Variants in RAPGEF2 observed in about 807,000 individuals in gnomAD.
The protein encoded by RAPGEF2 is Rap guanine nucleotide exchange factor 2, also known as PDZ domain containing guanine nucleotide exchange factor (GEF) 1.
A neutral mutation model predicts 186.7 loss-of-function variants in RAPGEF2; 54 were observed. That is an observed-to-expected ratio of 0.29 (90% CI 0.23 to 0.36). RAPGEF2 has a LOEUF of 0.36. RAPGEF2 is among the 10% of genes least tolerant of loss of function. The pLI, the probability that RAPGEF2 is intolerant of heterozygous loss-of-function variation, is 1.00. For synonymous variants in RAPGEF2, 712 were observed against 705.9 expected, an observed-to-expected ratio of 1.01 and a Z score of -0.14; for missense variants, 1,532 against 2,045.0, an observed-to-expected ratio of 0.75 and a Z score of 4.84.
At chr4:159,128,112 T>C (rs1740569695) in intron 1 of RAPGEF2, among the ~76,000 whole-genome samples, 1 of 152,228 alleles carries the variant, frequency 6.6e-6, no homozygotes, top group Non-Finnish European at 1.5e-5. Context: ...AACCTTTCTT[T>C]TGTTAGGAGA....
intron 11 of RAPGEF2, among the ~76,000 whole-genome samples, chr4:159,326,374 G>A (rs1165045301): frequency 6.6e-6 from 1 of 152,134 alleles, no homozygotes; most frequent in Non-Finnish European, 1.5e-5. Context: ...GCAAGTTATT[G>A]AGTGAAATGA....
chr4:159,189,829 A>G (rs1370890520), intron 2 of RAPGEF2, among the ~76,000 whole-genome samples: 1 of 152,226 alleles, frequency 6.6e-6, no homozygotes, highest in Non-Finnish European at 1.5e-5. Context: ...TATTTTATAA[A>G]CAGTTATCAA....
At chr4:159,164,318 T>C (rs1561031256) in intron 1 of RAPGEF2, among the ~76,000 whole-genome samples, 1 of 151,714 alleles carries the variant, frequency 6.6e-6, no homozygotes, top group Non-Finnish European at 1.5e-5. Flanking sequence ...TTTTTTTTTT[T>C]TCCTTCTTCT....
intron 4 of RAPGEF2, among the ~76,000 whole-genome samples, chr4:159,212,161 A>G (rs2111376214): frequency 6.6e-6 from 1 of 152,290 alleles, no homozygotes; most frequent in Middle Eastern, 3.4e-3. Flanking sequence ...TAGAAAGCCT[A>G]GAGTGACCCT....
chr4:159,215,884 CTATACA>C (rs1005821584), intron 4 of RAPGEF2, among the ~76,000 whole-genome samples: 8 of 152,140 alleles, frequency 5.3e-5, no homozygotes, highest in Non-Finnish European at 1.0e-4. Flanking sequence ...AGGACAAAGA[CTATACA>C]GAGAGTGGAG....
Position 159,241,261 on chromosome 4 carries a change from C to A in RAPGEF2, c.418C>A (p.Arg140=). 6.5e-7 allele frequency: 1 copy of A among 1,532,272 alleles called. No individual in the cohort carries two copies. Among genetic ancestry groups the A allele is most frequent in the Non-Finnish European group, 8.7e-7 (1 of 1,144,564 alleles). 94.9% of individuals were successfully genotyped at this position (1,532,272 alleles called of 1,614,324 possible). ...GCGGCAAGCTTCCCATAGACAGTCT[C>A]GAAGGAGATTTAGAAAAATCAACCA... ...FQRQASHRQS[R]RRFRKINQKG... Residue 140 remains arginine, a synonymous_variant, in exon 6 of 30, where the codon CGA becomes AGA. Coordinates refer to ENST00000691494, the MANE Select transcript of RAPGEF2 (RefSeq NM_001394067.2).
chr4:159,326,355 T>G (rs1036523446), intron 11 of RAPGEF2, among the ~76,000 whole-genome samples: 12 of 152,200 alleles, frequency 7.9e-5, no homozygotes, highest in Admixed American at 5.2e-4. Context: ...CTGACCATAT[T>G]TTAGGGAAGC....
At chr4:159,300,924 A>G (rs533925725) in intron 7 of RAPGEF2, among the ~76,000 whole-genome samples, 39 of 152,166 alleles carry the variant, frequency 2.6e-4, no homozygotes, top group Non-Finnish European at 4.7e-4. Context: ...TTTGCCTCCT[A>G]GAAACTCCAT....
chr4:159,161,844 A>G (rs1744741560), intron 1 of RAPGEF2, among the ~76,000 whole-genome samples: 1 of 152,256 alleles, frequency 6.6e-6, no homozygotes, highest in Non-Finnish European at 1.5e-5. Flanking sequence ...TAAACCAAGG[A>G]TGGTGATACC....
In RAPGEF2 at chr4:159,346,948, C is replaced by T; in HGVS notation, c.3662C>T (p.Ser1221Phe). The T allele has an allele frequency of 6.2e-7, 1 of 1,614,228 alleles. No individual in the cohort carries two copies. Among genetic ancestry groups the T allele is most frequent in the Non-Finnish European group, 8.5e-7 (1 of 1,180,032 alleles). Residue 1221 changes from serine (S) to phenylalanine (F), a missense_variant, in exon 25 of 30, where the codon TCC (serine) becomes TTC (phenylalanine). By Grantham distance (155) the Ser-to-Phe change is radical (BLOSUM62 -2). Around this residue, in one of 4 missense-constraint regions of RAPGEF2, gnomAD observed 594 missense variants for 608.5 expected, o/e 0.98. Transcript: ENST00000691494. Reference protein sequence around the residue: ...INQGLQVPAVSLYPSRKKVPV... With the variant: ...INQGLQVPAVFLYPSRKKVPV... ...CAGGGACTACAGGTTCCCGCCGTGT[C>T]CCTTTATCCTTCACGGAAGAAAGTG... is the stretch of plus-strand genomic sequence containing the variant.
intron 1 of RAPGEF2, among the ~76,000 whole-genome samples, chr4:159,175,043 T>TCC (rs1240745904): frequency 6.6e-6 from 1 of 152,186 alleles, no homozygotes; most frequent in Non-Finnish European, 1.5e-5. Flanking sequence ...CATACATATG[T>TCC]CTTAATAAAG....
At chr4:159,180,293 G>C (rs560813012) in intron 1 of RAPGEF2, among the ~76,000 whole-genome samples, 3 of 152,058 alleles carry the variant, frequency 2.0e-5, no homozygotes, top group Admixed American at 2.0e-4. Context: ...TTCATTTTTC[G>C]GGGTCTGAGA....
At chr4:159,178,192 C>T (rs1028969858) in intron 1 of RAPGEF2, among the ~76,000 whole-genome samples, 2 of 152,120 alleles carry the variant, frequency 1.3e-5, no homozygotes, top group Non-Finnish European at 2.9e-5. Context: ...TCTTTTTTCT[C>T]ATGCTGCAGT....
At chr4:159,323,757 C>CTCA in intron 11 of RAPGEF2, 140 bp downstream of exon 11, 1 of 431,000 alleles carries the variant, frequency 2.3e-6, no homozygotes, top group Non-Finnish European at 3.5e-6. Flanking sequence ...ATTGTTCTGT[C>CTCA]AGCCAGGCTG....
chr4:159,340,593 T>A lies in RAPGEF2; in HGVS notation c.2535-971T>A, dbSNP rs181605295. On this transcript the variant is annotated intron_variant, in intron 19 of 29. Transcript: ENST00000691494. ...CCCCTACTATGCTCATTCTGTTTTG[T>A]CATTTATGGAATTTTCACAGAGAAA... Among the ~76,000 whole-genome samples the A allele has an allele frequency of 7.2e-5, 11 of 151,848 alleles. No individual in the cohort carries two copies. The Admixed American group carries it at 7.3e-4, about 10-fold the overall frequency.
chr4:159,185,991 A>G (rs1290398904), intron 1 of RAPGEF2, among the ~76,000 whole-genome samples: 2 of 152,044 alleles, frequency 1.3e-5, no homozygotes, highest in Non-Finnish European at 2.9e-5. Context: ...AAAATACTAA[A>G]TCCTTTCTGG....
rs142358282 is a variant in RAPGEF2, at chr4:159,304,496, A to G, written c.675+23A>G. Reference sequence around the variant, plus strand: ...CAGGTAAGAGGATGTTTTCCTTGTCATTTGCTTCATTTTCATTTATTCCAA... The same window carrying G: ...CAGGTAAGAGGATGTTTTCCTTGTCGTTTGCTTCATTTTCATTTATTCCAA... On this transcript the variant is annotated intron_variant, in intron 8 of 29. Coordinates refer to ENST00000691494, the MANE Select transcript of RAPGEF2 (RefSeq NM_001394067.2). The G allele has an allele frequency of 9.1e-4, 1,437 of 1,576,968 alleles. 13 individuals carry two copies. In the African/African-American group the frequency reaches 0.017, roughly 19 times the overall value.
intron 11 of RAPGEF2, among the ~76,000 whole-genome samples, chr4:159,326,031 G>T (rs754761280): frequency 6.6e-6 from 1 of 152,060 alleles, no homozygotes; most frequent in Admixed American, 6.6e-5. Flanking sequence ...CTTCCTTTCT[G>T]CTACACTCCA....
intron 7 of RAPGEF2, among the ~76,000 whole-genome samples, chr4:159,258,804 A>G (rs2110731920): frequency 6.6e-6 from 1 of 152,268 alleles, no homozygotes; most frequent in South Asian, 2.1e-4. Context: ...CAAAATTAGC[A>G]TTATTTAGTA....
Sources: allele counts gnomAD v4.1 joint callset (sites outside exome capture counted in the v4.1 genomes callset), GRCh38; gene constraint gnomAD v4.1.1; regional missense constraint gnomAD v4.1.1; transcripts MANE v1.5; gene names NCBI Gene and HGNC (gene_info 2026-07-23, HGNC 2026-07-21).